CAST: variants seen among roughly 807,000 people sequenced by gnomAD.
The protein encoded by CAST is MIR583 host.
CAST carries 76 observed loss-of-function variants against 119.6 expected under a neutral mutation model. That is an observed-to-expected ratio of 0.64 (90% confidence interval 0.53 to 0.77). CAST has a LOEUF of 0.77. CAST is among the 30% of genes least tolerant of loss of function. The probability of loss-of-function intolerance (pLI) is 0.00; values close to 1 mark genes in which losing one functional copy is unlikely to be tolerated. For missense variants in CAST, 953 were observed against 946.5 expected (o/e 1.01, Z -0.09); for synonymous variants, 319 against 331.6 (o/e 0.96, Z 0.41).
the CAST span, among the ~76,000 whole-genome samples, chr5:96,176,635 A>T: frequency 1.3e-5 from 2 of 152,244 alleles, no homozygotes; most frequent in Non-Finnish European, 2.9e-5. Context: ...TGACAATGCC[A>T]CTTGAGATTT....
At chr5:96,070,412 G>A in the CAST span, among the ~76,000 whole-genome samples, 1 of 152,172 alleles carries the variant, frequency 6.6e-6, no homozygotes. Context: ...AATTTGGGTA[G>A]GCTATAGTAC....
At chr5:96,114,505 G>A in the CAST span, among the ~76,000 whole-genome samples, 1 of 152,156 alleles carries the variant, frequency 6.6e-6, no homozygotes, top group African/African-American at 2.4e-5. Context: ...CTAAAAAGGA[G>A]TGTTTACGGG....
chr5:96,279,079 A>G, the CAST span, among the ~76,000 whole-genome samples: 2 of 152,210 alleles, frequency 1.3e-5, no homozygotes, highest in African/African-American at 2.4e-5. Context: ...AGCTGAAAAG[A>G]GAGTATTTCT....
the CAST span, among the ~76,000 whole-genome samples, chr5:95,962,400 G>A: frequency 2.6e-5 from 4 of 152,244 alleles, no homozygotes; most frequent in Non-Finnish European, 4.4e-5. Flanking sequence ...TCGCTAGAGA[G>A]CTGCTCCTCA....
chr5:96,126,904 C>T, the CAST span, among the ~76,000 whole-genome samples: 223 of 152,206 alleles, frequency 1.5e-3, 2 homozygotes, highest in Non-Finnish European at 1.8e-4. Flanking sequence ...GGACCCAGAA[C>T]TTGGGCTCTA....
the CAST span, among the ~76,000 whole-genome samples, chr5:96,181,452 A>C: frequency 6.6e-6 from 1 of 152,160 alleles, no homozygotes; most frequent in Non-Finnish European, 1.5e-5. Context: ...CGGAGCATCA[A>C]ATGGTCTTGG....
At chr5:96,173,460 T>G in the CAST span, among the ~76,000 whole-genome samples, 2 of 152,214 alleles carry the variant, frequency 1.3e-5, no homozygotes, top group African/African-American at 4.8e-5. Flanking sequence ...TAATTGAAAC[T>G]TGAAAGTTTA....
intron 1 of CAST, among the ~76,000 whole-genome samples, chr5:96,643,796 C>T (rs1747982217): frequency 6.6e-6 from 1 of 152,162 alleles, no homozygotes; most frequent in East Asian, 1.9e-4. Context: ...TCGCTTGAAC[C>T]TTGGAGGCCG....
intron 2 of CAST, among the ~76,000 whole-genome samples, chr5:96,681,359 A>G (rs1166496637): frequency 6.6e-6 from 1 of 152,012 alleles, no homozygotes; most frequent in Non-Finnish European, 1.5e-5. Flanking sequence ...GAGGCAGCCT[A>G]CTTTTGACTT....
At chr5:96,367,754 C>T in the CAST span, among the ~76,000 whole-genome samples, 1 of 152,058 alleles carries the variant, frequency 6.6e-6, no homozygotes, top group African/African-American at 2.4e-5. Context: ...AGGGAATTCC[C>T]TCACCCCTTG....
At chr5:96,079,342 T>C in the CAST span, 6 of 295,988 alleles carry the variant, frequency 2.0e-5, no homozygotes, top group Non-Finnish European at 4.2e-5. Flanking sequence ...TGATTCAATA[T>C]CCTGGCAAGG....
chr5:96,747,493 A>G (rs2150558319), intron 18 of CAST, 101 bp downstream of exon 18: 1 of 772,640 alleles, frequency 1.3e-6, no homozygotes, highest in East Asian at 2.6e-5. Flanking sequence ...GCAGACTTGC[A>G]TGCTAACCTA....
the CAST span, among the ~76,000 whole-genome samples, chr5:96,328,900 C>T: frequency 1.7e-3 from 264 of 152,272 alleles, 1 homozygote; most frequent in African/African-American, 6.1e-3. Flanking sequence ...TCTCCTTAGC[C>T]CTATGGCATT....
At chr5:96,731,832 T>C (rs1456450847) in intron 9 of CAST, among the ~76,000 whole-genome samples, 1 of 151,830 alleles carries the variant, frequency 6.6e-6, no homozygotes, top group East Asian at 1.9e-4. Context: ...GGACATGAAC[T>C]CATCATTTTT....
the CAST span, among the ~76,000 whole-genome samples, chr5:96,241,717 C>T: frequency 7.0e-5 from 10 of 142,980 alleles, no homozygotes; most frequent in African/African-American, 2.4e-4. Flanking sequence ...ACATCCTCTC[C>T]AGCACCTGTT....
the CAST span, among the ~76,000 whole-genome samples, chr5:95,982,885 T>C: frequency 4.4e-3 from 664 of 152,332 alleles, 9 homozygotes; most frequent in African/African-American, 0.015. Context: ...ATGCCCAAGA[T>C]ATTTTTTACA....
At chr5:96,042,415 A>G in the CAST span, among the ~76,000 whole-genome samples, 1 of 152,208 alleles carries the variant, frequency 6.6e-6, no homozygotes, top group African/African-American at 2.4e-5. Flanking sequence ...TGATCAGAAT[A>G]TCAATTGATT....
At chr5:96,071,742 T>C in the CAST span, among the ~76,000 whole-genome samples, 1 of 152,108 alleles carries the variant, frequency 6.6e-6, no homozygotes, top group African/African-American at 2.4e-5. Context: ...CTGCTAGTTT[T>C]TTTAAAAAAA....
intron 1 of CAST, among the ~76,000 whole-genome samples, chr5:96,647,523 C>A (rs1239589264): frequency 1.3e-5 from 2 of 152,062 alleles, no homozygotes; most frequent in African/African-American, 4.8e-5. Flanking sequence ...TGTGTCCCCC[C>A]AAAATGAATA....
Sources: allele counts gnomAD v4.1 joint callset (sites outside exome capture counted in the v4.1 genomes callset), GRCh38; gene constraint gnomAD v4.1.1; transcripts MANE v1.5; gene names NCBI Gene and HGNC (gene_info 2026-07-23, HGNC 2026-07-21).